Variants in ALMS1 observed in about 807,000 individuals in gnomAD.
ALMS1 encodes the protein ALMS1 centrosome and basal body associated protein, also known as centrosome-associated protein ALMS1.
In ALMS1, 271 loss-of-function variants were observed where a neutral mutation model predicts 352.2. The ratio of observed to expected loss-of-function variants is 0.77; its 90% CI spans 0.70 to 0.85. The LOEUF (loss-of-function observed/expected upper bound fraction) is 0.85, where lower values mean the gene tolerates loss of function less well. ALMS1 is among the 40% of genes least tolerant of loss of function. The pLI is 0.00. For synonymous variants in ALMS1, 1,865 were observed against 1,761.2 expected (o/e 1.06, Z -1.48); for missense variants, 5,445 against 4,870.7 (o/e 1.12, Z -3.51).
At chr2:73,501,304 G>A (rs954105268) in intron 10 of ALMS1, among the ~76,000 whole-genome samples, 2 of 151,670 alleles carry the variant, frequency 1.3e-5, no homozygotes, top group Middle Eastern at 3.2e-3. Flanking sequence ...GGAACAGAAA[G>A]CTTTAATTTT....
At position 73,409,879 on chromosome 2, in the gene ALMS1, G is replaced by T. The variant is rs553197823; in HGVS notation, c.450+1132G>T. On this transcript the variant is annotated intron_variant, in intron 2 of 22. Coordinates refer to ENST00000613296, the MANE Select transcript of ALMS1 (RefSeq NM_001378454.1). The stretch of plus-strand genomic sequence containing the variant: ...GTATAGTTCCAATTCAAGTCCAAAG[G>T]CTTGAGAACCAGGAGCACCAGTGAT... 1.3e-4 allele frequency among the ~76,000 whole-genome samples: 20 copies of T among 152,270 alleles called. No individual in the cohort carries two copies. The South Asian group carries it at 4.1e-3, about 32-fold the overall frequency.
Position 73,550,380 on chromosome 2 carries a change from G to T in ALMS1, c.10021G>T (p.Val3341Leu). 6.2e-7 allele frequency: 1 copy of T among 1,614,182 alleles called. No homozygotes were observed. The highest frequency in any genetic ancestry group is 2.2e-5 in the East Asian group (1 of 44,886). ...TAAAGAAGGAATCTACAGTAAGAGG[G>T]TAGTGACTAAGGCATCCTTGCCAGT... ...KHKEGIYSKR[V>L]VTKASLPVGE... Residue 3341 changes from valine to leucine, a missense_variant, in exon 13 of 23, where the codon GTA (valine) becomes TTA (leucine). Transcript: ENST00000613296.
At position 73,408,626 on chromosome 2, in the gene ALMS1, TTCCATTGACCTG is replaced by T. The variant is rs1671016358; in HGVS notation, c.332_343del (p.Pro111_Cys114del). On this transcript the variant is annotated inframe_deletion, in exon 2 of 23. Coordinates refer to ENST00000613296, the MANE Select transcript of ALMS1 (RefSeq NM_001378454.1). ...AAGCCTGCTTTTGATTTTCAGATTG[TTCCATTGACCTG>T]TCATGTATGGCAACAGATAGTATAT... The T allele has an allele frequency of 1.9e-6, 3 of 1,613,032 alleles. No homozygotes were observed. Among genetic ancestry groups the T allele is most frequent in the Non-Finnish European group, 1.7e-6 (2 of 1,179,348 alleles).
At chr2:73,397,429 C>G (rs1044795422) in intron 1 of ALMS1, among the ~76,000 whole-genome samples, 1 of 151,250 alleles carries the variant, frequency 6.6e-6, no homozygotes, top group Non-Finnish European at 1.5e-5. Context: ...CTTCCAAGCT[C>G]TTTATATGCT....
In ALMS1 at chr2:73,449,858, T is replaced by G; in HGVS notation, c.3331T>G (p.Leu1111Val). The G allele has an allele frequency of 1.2e-6, 2 of 1,614,048 alleles. No homozygotes were observed. Among genetic ancestry groups the G allele is most frequent in the Non-Finnish European group, 1.7e-6 (2 of 1,179,968 alleles). ...EKPGIFYQQT[L>V]PESHLPKEAL... ...GCCTGGTATTTTCTACCAACAGACCTTGCCAGAGAGTCATCTGCCTAAAGA... is the reference window on the plus strand; with the variant it reads ...GCCTGGTATTTTCTACCAACAGACCGTGCCAGAGAGTCATCTGCCTAAAGA... The change falls in exon 8 of 23, where the codon TTG becomes GTG. Residue 1111 changes from leucine to valine, a missense_variant. Physicochemically the swap from Leu to Val is conservative, Grantham distance 32. Transcript: ENST00000613296.
At chr2:73,484,234 G>A (rs1672777212) in intron 9 of ALMS1, among the ~76,000 whole-genome samples, 1 of 151,692 alleles carries the variant, frequency 6.6e-6, no homozygotes, top group African/African-American at 2.4e-5. Flanking sequence ...TCCATGTTTA[G>A]TGCTTCCTTC....
intron 9 of ALMS1, among the ~76,000 whole-genome samples, chr2:73,462,292 G>A (rs1305529555): frequency 6.6e-6 from 1 of 152,082 alleles, no homozygotes; most frequent in East Asian, 1.9e-4. Context: ...AGAGAGTGGG[G>A]GCCAATATTC....
chr2:73,431,920 T>G (rs538231950), intron 6 of ALMS1, among the ~76,000 whole-genome samples: 13 of 152,330 alleles, frequency 8.5e-5, no homozygotes, highest in African/African-American at 3.1e-4. Flanking sequence ...TATAATATTT[T>G]ATCTAGACAG....
intron 6 of ALMS1, among the ~76,000 whole-genome samples, chr2:73,431,580 T>C (rs1253005244): frequency 1.3e-5 from 2 of 152,220 alleles, no homozygotes; most frequent in African/African-American, 4.8e-5. Context: ...GATGAAACAT[T>C]AGGAACTTCT....
intron 16 of ALMS1, among the ~76,000 whole-genome samples, chr2:73,586,531 T>C (rs1274744068): frequency 6.6e-6 from 1 of 152,308 alleles, no homozygotes; most frequent in East Asian, 1.9e-4. Context: ...TATTTTTGTT[T>C]GCTTTGTCAA....
intron 6 of ALMS1, 63 bp from the exon 7 acceptor site, chr2:73,432,135 C>T: frequency 2.5e-6 from 3 of 1,205,688 alleles, no homozygotes; most frequent in Non-Finnish European, 3.7e-6. Context: ...GTAGGTGGGT[C>T]ATTCTAATCT....
Position 73,386,199 on chromosome 2 carries a change from C to G in ALMS1, c.324+7C>G, listed in dbSNP as rs1230102179. ...GCGGACCTCCCTGGAGAAGGTGAGG[C>G]GGGCCGGGGAGGGGTGTGGAGCCGC... On this transcript the variant is annotated splice_region_variant and intron_variant, in intron 1 of 22. Transcript: ENST00000613296. The G allele has an allele frequency of 6.5e-7, 1 of 1,527,478 alleles. No individual in the cohort carries two copies. The highest frequency in any genetic ancestry group is 8.8e-7 in the Non-Finnish European group (1 of 1,134,608). 94.6% of individuals were successfully genotyped at this position (1,527,478 alleles called of 1,614,324 possible). A position where few individuals can be genotyped will look rare whatever the true frequency, so the allele number is the denominator to read the frequency against.
intron 16 of ALMS1, among the ~76,000 whole-genome samples, chr2:73,594,559 T>A (rs1047846134): frequency 1.3e-5 from 2 of 152,252 alleles, no homozygotes; most frequent in Admixed American, 6.5e-5. Context: ...TCAACACTTC[T>A]GCTGCATCTG....
At chr2:73,609,529 A>G in intron 22 of ALMS1, 39 bp from the exon 23 acceptor site, 2 of 1,607,168 alleles carry the variant, frequency 1.2e-6, no homozygotes, top group Non-Finnish European at 1.7e-6. Flanking sequence ...TGATGGCAGT[A>G]ATATCTAACT....
intron 16 of ALMS1, among the ~76,000 whole-genome samples, chr2:73,596,519 G>A (rs6723245): frequency 2.0e-5 from 3 of 150,052 alleles, no homozygotes; most frequent in African/African-American, 4.9e-5. Context: ...TCATCAAGGC[G>A]GGAGTGCAGT....
chr2:73,485,080 A>G (rs1672799197), intron 9 of ALMS1, among the ~76,000 whole-genome samples: 3 of 152,224 alleles, frequency 2.0e-5, no homozygotes, highest in East Asian at 1.9e-4. Flanking sequence ...CAGCTCGTCA[A>G]AGTCATTCTC....
chr2:73,480,038 CTT>C (rs934020096), intron 9 of ALMS1, among the ~76,000 whole-genome samples: 4 of 151,746 alleles, frequency 2.6e-5, no homozygotes, highest in African/African-American at 9.7e-5. Context: ...ATGTCTGTAT[CTT>C]TTGCCCATTT....
At chr2:73,517,519 A>T (rs1342110884) in intron 10 of ALMS1, among the ~76,000 whole-genome samples, 1 of 152,080 alleles carries the variant, frequency 6.6e-6, no homozygotes, top group African/African-American at 2.4e-5. Context: ...AAGAACTGGG[A>T]TCACAGATGT....
intron 9 of ALMS1, among the ~76,000 whole-genome samples, chr2:73,465,758 C>G (rs979298524): frequency 1.1e-4 from 17 of 151,982 alleles, no homozygotes; most frequent in African/African-American, 4.1e-4. Flanking sequence ...GGGCTAATAT[C>G]CAGAATCTAC....
Sources: allele counts gnomAD v4.1 joint callset (sites outside exome capture counted in the v4.1 genomes callset), GRCh38; gene constraint gnomAD v4.1.1; transcripts MANE v1.5; gene names NCBI Gene and HGNC (gene_info 2026-07-23, HGNC 2026-07-21).